ZNF532: variants seen among roughly 807,000 people sequenced by gnomAD.
ZNF532 encodes the protein zinc finger protein 532.
A neutral mutation model predicts 89.3 loss-of-function variants in ZNF532; 22 were observed. The ratio of observed to expected loss-of-function variants is 0.25; its 90% CI spans 0.18 to 0.35. The LOEUF is 0.35. ZNF532 is among the 10% of genes least tolerant of loss of function. The probability of loss-of-function intolerance (pLI) is 1.00; values close to 1 mark genes in which losing one functional copy is unlikely to be tolerated. For missense variants in ZNF532, 1,132 were observed against 1,643.4 expected (o/e 0.69, Z 5.38); for synonymous variants, 606 against 649.6 (o/e 0.93, Z 1.02).
At chr18:58,888,643 T>G (rs557079233) in intron 2 of ZNF532, among the ~76,000 whole-genome samples, 72 of 129,574 alleles carry the variant, frequency 5.6e-4, no homozygotes, top group African/African-American at 2.1e-3. Flanking sequence ...ACCATTGCAC[T>G]CCAGCCTGAG....
chr18:58,946,512 A>G (rs1037701752), intron 5 of ZNF532, among the ~76,000 whole-genome samples: 3 of 152,126 alleles, frequency 2.0e-5, no homozygotes, highest in East Asian at 3.9e-4. Flanking sequence ...AGCTCAGGCA[A>G]TCCACCTGCC....
chr18:58,977,739 A>C (rs992074724), intron 7 of ZNF532: 1 of 152,084 alleles, frequency 6.6e-6, no homozygotes, highest in Admixed American at 6.6e-5. Context: ...AGCCCCAGCT[A>C]CTCGGGAGGC....
intron 6 of ZNF532, among the ~76,000 whole-genome samples, chr18:58,950,957 C>G (rs909279324): frequency 6.8e-6 from 1 of 146,308 alleles, no homozygotes; most frequent in Non-Finnish European, 1.5e-5. Flanking sequence ...TTTTCAGAGT[C>G]TTTTTTTTTT....
chr18:58,947,462 T>G (rs904656367), intron 5 of ZNF532, among the ~76,000 whole-genome samples: 4 of 152,260 alleles, frequency 2.6e-5, no homozygotes, highest in Non-Finnish European at 4.4e-5. Flanking sequence ...ATTTAAAGCG[T>G]AAGAAACATT....
intron 2 of ZNF532, among the ~76,000 whole-genome samples, chr18:58,906,941 T>TTA (rs370115672): frequency 1.3e-3 from 196 of 152,322 alleles, no homozygotes; most frequent in Non-Finnish European, 2.3e-3. Context: ...AGTTAAAAAC[T>TTA]TATTAATGTT....
chr18:58,928,819 G>A (rs112793467), intron 3 of ZNF532, among the ~76,000 whole-genome samples: 325 of 152,316 alleles, frequency 2.1e-3, no homozygotes, highest in Non-Finnish European at 3.2e-3. Flanking sequence ...AAGGGAGTGG[G>A]CAAGAGACCA....
chr18:58,878,197 G>A (rs2144824950), intron 2 of ZNF532, among the ~76,000 whole-genome samples: 1 of 152,220 alleles, frequency 6.6e-6, no homozygotes, highest in Non-Finnish European at 1.5e-5. Flanking sequence ...AGGAGTTGCA[G>A]TGAGCTGAGA....
intron 7 of ZNF532, among the ~76,000 whole-genome samples, chr18:58,968,348 C>T (rs1362515546): frequency 1.3e-5 from 2 of 152,242 alleles, no homozygotes; most frequent in East Asian, 1.9e-4. Flanking sequence ...TAAGCTCCCT[C>T]ACTGTCACAA....
At chr18:58,894,883 A>G (rs1478148176) in intron 2 of ZNF532, among the ~76,000 whole-genome samples, 1 of 152,174 alleles carries the variant, frequency 6.6e-6, no homozygotes, top group African/African-American at 2.4e-5. Flanking sequence ...GTCCCAGCAC[A>G]TGGGAGGCTA....
chr18:58,890,098 T>A (rs1458361399), intron 2 of ZNF532, among the ~76,000 whole-genome samples: 6 of 148,804 alleles, frequency 4.0e-5, no homozygotes, highest in Admixed American at 4.0e-4. Flanking sequence ...AAAAAAAAAA[T>A]TAGCTGGGCA....
intron 6 of ZNF532, among the ~76,000 whole-genome samples, chr18:58,948,552 C>A (rs1217809150): frequency 6.7e-6 from 1 of 148,942 alleles, no homozygotes; most frequent in Admixed American, 6.7e-5. Context: ...GTGAAGTTTT[C>A]CTTTCCTTTC....
At chr18:58,960,180 A>G (rs1392255837) in intron 7 of ZNF532, among the ~76,000 whole-genome samples, 1 of 152,132 alleles carries the variant, frequency 6.6e-6, no homozygotes, top group African/African-American at 2.4e-5. Context: ...CTCAAGTGGG[A>G]TTACAGGCAT....
intron 7 of ZNF532, among the ~76,000 whole-genome samples, chr18:58,970,661 C>T (rs1484551479): frequency 6.6e-6 from 1 of 152,208 alleles, no homozygotes. Context: ...ATTTTGTCGG[C>T]TTTCTAATGA....
intron 2 of ZNF532, among the ~76,000 whole-genome samples, chr18:58,897,876 T>C (rs1027028864): frequency 1.3e-5 from 2 of 152,148 alleles, no homozygotes; most frequent in Non-Finnish European, 2.9e-5. Context: ...TTGCTTGAAT[T>C]CAGAGGCGGA....
Position 58,984,177 on chromosome 18 carries a change from G to T in ZNF532, c.3617G>T (p.Arg1206Leu). ...TCGGATGGTTCTTCCTACCAGTGCC[G>T]GGAGTGTGGCCTCTGCTACACGTCT... ...HKSDGSSYQC[R>L]ECGLCYTSHV... Residue 1206 changes from arginine to leucine, a missense_variant, in exon 10 of 10, where the codon CGG becomes CTG. Around this residue, in one of 9 missense-constraint regions of ZNF532, gnomAD observed 415 missense variants for 604.8 expected, o/e 0.69. Transcript: ENST00000591808. 1 of 1,611,796 alleles carries T rather than the reference G, an allele frequency of 6.2e-7. No homozygotes were observed. Among genetic ancestry groups the T allele is most frequent in the Non-Finnish European group, 8.5e-7 (1 of 1,179,818 alleles).
At chr18:58,918,198 A>T in intron 2 of ZNF532, 73 bp from the exon 3 acceptor site, 1 of 1,344,674 alleles carries the variant, frequency 7.4e-7, no homozygotes, top group South Asian at 1.4e-5. Flanking sequence ...GTTAGTGTGA[A>T]TTGTATAGGG....
chr18:58,919,723 C>T lies in ZNF532; in HGVS notation c.1436C>T (p.Thr479Met), dbSNP rs1461454981. ...GCTAACAACACCACGGTGAAAGCCA[C>T]GGTCATATCTGCTGCCTCTGTCCAG... The part of the protein sequence containing the change: ...KLANNTTVKA[T>M]VISAASVQSA... The change falls in exon 3 of 10, where the codon ACG (threonine) becomes ATG (methionine). Residue 479 changes from threonine (T) to methionine (M), a missense_variant. Physicochemically the swap from Thr to Met is moderately conservative, Grantham distance 81. This residue lies in a region of ZNF532 where 97 missense variants were observed against 143.7 expected (regional missense o/e 0.68). Transcript: ENST00000591808. This position sits in a 1 kb window ranked among gnomAD's most constrained non-coding sequence, Gnocchi z 6.1. The T allele has an allele frequency of 4.3e-6, 7 of 1,614,026 alleles. No homozygotes were observed. The highest frequency in any genetic ancestry group is 1.3e-5 in the African/African-American group (1 of 75,038).
rs1367707974 is a variant in ZNF532, at chr18:58,880,765, C to CGTGTGTGTGTGT, written c.-18+15187_-18+15188insTGTGTGTGTGTG. ...GCCCTCTCATAGGCGCGCGCGCACG[C>CGTGTGTGTGTGT]GCGCGCGTCTGTGTGTGTGTGTGTA... On this transcript the variant is annotated intron_variant, in intron 2 of 9. Transcript: ENST00000591808. Among the ~76,000 whole-genome samples, 15 of 131,192 alleles carry CGTGTGTGTGTGT rather than the reference C, an allele frequency of 1.1e-4. No individual in the cohort carries two copies. In the East Asian group the frequency reaches 5.1e-3, roughly 45 times the overall value. 86.1% of individuals were successfully genotyped at this position (131,192 alleles called of 152,430 possible).
chr18:58,863,453 G>C (rs2056133106), upstream of ZNF532: 1 of 5,430 alleles, frequency 1.8e-4, no homozygotes, highest in Non-Finnish European at 5.2e-4. Context: ...CCCACCGGCC[G>C]CCCCCTCCCC....
Sources: gnomAD v4.1 joint callset for allele counts (sites outside exome capture counted in the v4.1 genomes callset) on GRCh38, gnomAD v4.1.1 for gene constraint, gnomAD v4.1.1 regional missense constraint, Gnocchi (gnomAD v3.1) non-coding constraint, MANE v1.5 for transcripts, NCBI Gene and HGNC (gene_info 2026-07-23, HGNC 2026-07-21) for gene names.